The following ZC3H14 variants were observed in gnomAD, a reference collection of about 807,000 sequenced individuals.
ZC3H14 encodes the protein zinc finger CCCH domain-containing protein 14.
Under a neutral mutation model 92.4 loss-of-function variants are expected in ZC3H14, and 31 were observed. The observed-to-expected ratio is 0.34, with a 90% CI of 0.25 to 0.45. The LOEUF is 0.45. Among genes scored for constraint, ZC3H14 ranks in the 20% least tolerant of loss-of-function variants. The probability of loss-of-function intolerance (pLI) is 1.00; values close to 1 mark genes in which losing one functional copy is unlikely to be tolerated. For missense variants in ZC3H14, 781 were observed against 897.3 expected (o/e 0.87, Z 1.66); for synonymous variants, 321 against 300.9 (o/e 1.07, Z -0.69).
At chr14:88,581,159 A>AT (rs2081863950) in intron 9 of ZC3H14, among the ~76,000 whole-genome samples, 2 of 152,270 alleles carry the variant, frequency 1.3e-5, no homozygotes, top group South Asian at 4.1e-4. Context: ...ATATAAATAC[A>AT]TTTTTTTCTA....
intron 9 of ZC3H14, chr14:88,589,107 T>G (rs538898871): frequency 1.3e-5 from 2 of 152,236 alleles, no homozygotes; most frequent in African/African-American, 4.8e-5. Flanking sequence ...TTCAAAAACA[T>G]CTGCAGATAG....
At chr14:88,592,022 C>T (rs1442239971) in intron 9 of ZC3H14, 1 of 152,174 alleles carries the variant, frequency 6.6e-6, no homozygotes, top group Non-Finnish European at 1.5e-5. Context: ...AATACATAAG[C>T]TTTCTCTGCT....
intron 9 of ZC3H14, among the ~76,000 whole-genome samples, chr14:88,594,090 T>G (rs1266905046): frequency 6.8e-6 from 1 of 146,094 alleles, no homozygotes; most frequent in Admixed American, 6.8e-5. Context: ...CCAGTTACTT[T>G]CTCCGCCCTT....
At chr14:88,563,545 G>C in intron 1 of ZC3H14, 106 bp from the exon 2 acceptor site, 2 of 1,580,762 alleles carry the variant, frequency 1.3e-6, no homozygotes, top group South Asian at 1.1e-5. Flanking sequence ...CCGCCCGGGG[G>C]ATCCGAGGTG....
chr14:88,601,808 T>A (rs2084686536), intron 10 of ZC3H14, 116 bp from the exon 11 acceptor site: 2 of 1,272,596 alleles, frequency 1.6e-6, no homozygotes, highest in Admixed American at 4.3e-5. Flanking sequence ...CCAGTTGTGA[T>A]TTTCCTTTGA....
In ZC3H14 at chr14:88,627,045, A is replaced by C; in HGVS notation, c.*15294A>C. On this transcript the variant is annotated 3_prime_UTR_variant, in exon 17 of 17. Transcript: ENST00000251038. ...GACCAGCTCTGCTGGCAATTTTGGC[A>C]CCTGACAAGATACAACAAAATTATC... 1 of 1,613,790 alleles carries C rather than the reference A, an allele frequency of 6.2e-7. No individual in the cohort carries two copies. Among genetic ancestry groups the C allele is most frequent in the South Asian group, 1.1e-5 (1 of 91,070 alleles).
rs1170227180 is a variant in ZC3H14 at position 88,614,339 on chromosome 14, GC to G, written c.*2592del. 8 of 152,104 alleles carry G rather than the reference GC, an allele frequency of 5.3e-5. No individual in the cohort carries two copies. The highest frequency in any genetic ancestry group is 5.2e-4 in the Admixed American group (8 of 15,262). The allele number at this position is 152,104 out of a possible 1,614,324, so 9.4% of individuals were successfully genotyped here. A position where few individuals can be genotyped will look rare whatever the true frequency, so the allele number is the denominator to read the frequency against. On this transcript the variant is annotated 3_prime_UTR_variant, in exon 17 of 17. Transcript: ENST00000251038. ...ACCAACTTACGTTTCAAGCTTCTTA[GC>G]CCCATAATCAGTCCTTCAGCCACAG...
At chr14:88,583,318 A>G (rs752773437) in intron 9 of ZC3H14, among the ~76,000 whole-genome samples, 1 of 151,790 alleles carries the variant, frequency 6.6e-6, no homozygotes, top group African/African-American at 2.4e-5. Context: ...GAGTCTCACT[A>G]TGTTGCCCAG....
chr14:88,578,580 G>T (rs2081463948), intron 9 of ZC3H14, among the ~76,000 whole-genome samples: 1 of 152,136 alleles, frequency 6.6e-6, no homozygotes, highest in Non-Finnish European at 1.5e-5. Context: ...CTGGTCTTTA[G>T]ATAGCTCCTT....
intron 9 of ZC3H14, among the ~76,000 whole-genome samples, chr14:88,588,554 T>C (rs2082726605): frequency 6.6e-6 from 1 of 152,166 alleles, no homozygotes; most frequent in Non-Finnish European, 1.5e-5. Context: ...GATTTTTTTC[T>C]CCGGGAACTT....
chr14:88,607,182 G>A (rs906779296), intron 12 of ZC3H14, 61 bp from the exon 13 acceptor site: 12 of 1,611,826 alleles, frequency 7.4e-6, no homozygotes, highest in Non-Finnish European at 1.0e-5. Flanking sequence ...ATATGTTAAA[G>A]GTGCTGTGTA....
chr14:88,618,504 G>T lies in ZC3H14; in HGVS notation c.*6753G>T. 1 of 1,117,574 alleles carries T rather than the reference G, an allele frequency of 8.9e-7. No homozygotes were observed. The highest frequency in any genetic ancestry group is 1.3e-6 in the Non-Finnish European group (1 of 789,472). 69.2% of individuals were successfully genotyped at this position (1,117,574 alleles called of 1,614,324 possible). A position where few individuals can be genotyped will look rare whatever the true frequency, so the allele number is the denominator to read the frequency against. The stretch of plus-strand genomic sequence containing the variant: ...GAGAAAAGCTCTGATAAGTGGGGGA[G>T]GAAAGGGGAGCTGTAGGTCAGAAGG... On this transcript the variant is annotated 3_prime_UTR_variant, in exon 17 of 17. Coordinates refer to ENST00000251038, the MANE Select transcript of ZC3H14 (RefSeq NM_024824.5).
intron 13 of ZC3H14, 49 bp downstream of exon 13, chr14:88,607,412 A>G: frequency 1.5e-6 from 2 of 1,377,796 alleles, no homozygotes; most frequent in Non-Finnish European, 1.9e-6. Context: ...CCATCCCCCC[A>G]TCTCACCCTG....
At chr14:88,575,623 G>A (rs2081064409) in intron 7 of ZC3H14, among the ~76,000 whole-genome samples, 1 of 151,966 alleles carries the variant, frequency 6.6e-6, no homozygotes, top group South Asian at 2.1e-4. Flanking sequence ...GAGCCTAGAA[G>A]TTTAAGGCTG....
At position 88,571,140 on chromosome 14, in the gene ZC3H14, T is replaced by A. The variant is rs745703748; in HGVS notation, c.235+16T>A. The A allele has an allele frequency of 2.5e-6, 4 of 1,578,366 alleles. No individual in the cohort carries two copies. Among genetic ancestry groups the A allele is most frequent in the Admixed American group, 3.5e-5 (2 of 57,824 alleles). On this transcript the variant is annotated intron_variant, in intron 4 of 16. Transcript: ENST00000251038. ...GTTACAACTGGTAAGATTCATAACT[T>A]TTTTTTTTAATTTCTGCTTGCTATG... is the stretch of plus-strand genomic sequence containing the variant.
At chr14:88,588,396 G>A (rs935651455) in intron 9 of ZC3H14, among the ~76,000 whole-genome samples, 2 of 152,178 alleles carry the variant, frequency 1.3e-5, no homozygotes, top group Admixed American at 6.5e-5. Flanking sequence ...AGCTATCCTT[G>A]TACTTGTTTG....
rs758082858 is a variant in ZC3H14, at chr14:88,616,820, T to C, written c.*5069T>C. On this transcript the variant is annotated 3_prime_UTR_variant, in exon 17 of 17. Transcript: ENST00000251038. ...TCCTGAATGAGATACACAGGCACAG[T>C]TGACATCAGCTTTCTCAGCATGTCT... 6 of 1,613,866 alleles carry C rather than the reference T, an allele frequency of 3.7e-6. No homozygotes were observed. The highest frequency in any genetic ancestry group is 1.7e-5 in the Admixed American group (1 of 60,014).
chr14:88,591,005 A>T (rs1595691226), intron 9 of ZC3H14: 1 of 151,928 alleles, frequency 6.6e-6, no homozygotes, highest in Non-Finnish European at 1.5e-5. Flanking sequence ...GCACCTTGTA[A>T]CCCCCATCTC....
rs751571678 is a variant in ZC3H14, at chr14:88,572,689, C to T, written c.543C>T (p.Leu181=). The change falls in exon 6 of 17, where the codon CTC becomes CTT. Residue 181 remains leucine, a synonymous_variant. Coordinates refer to ENST00000251038, the MANE Select transcript of ZC3H14 (RefSeq NM_024824.5). ...ATATTAAGCCAGAACCAGATGATCTCATTGACGAAGACCTCAACTTTGTGC... is the reference window on the plus strand; with the variant it reads ...ATATTAAGCCAGAACCAGATGATCTTATTGACGAAGACCTCAACTTTGTGC... ...VIDIKPEPDD[L]IDEDLNFVQE... is the part of the protein sequence containing the mutation. The T allele has an allele frequency of 6.2e-6, 10 of 1,614,096 alleles. No individual in the cohort carries two copies. In the African/African-American group the frequency reaches 1.2e-4, roughly 19 times the overall value.
Sources: allele counts gnomAD v4.1 joint callset (sites outside exome capture counted in the v4.1 genomes callset), GRCh38; gene constraint gnomAD v4.1.1; transcripts MANE v1.5; gene names NCBI Gene and HGNC (gene_info 2026-07-23, HGNC 2026-07-21).